The following USP37 variants were observed in gnomAD, a reference collection of about 807,000 sequenced individuals.
The protein encoded by USP37 is ubiquitin specific peptidase 37.
Under a neutral mutation model 124.0 loss-of-function variants are expected in USP37, and 27 were observed. The observed-to-expected ratio is 0.22, with a 90% CI of 0.16 to 0.30. USP37 has a LOEUF of 0.30. Among genes scored for constraint, USP37 ranks in the 10% least tolerant of loss-of-function variants. The pLI, the probability that USP37 is intolerant of heterozygous loss-of-function variation, is 1.00. For synonymous variants in USP37, 365 were observed against 388.0 expected (o/e 0.94, Z 0.70); for missense variants, 889 against 1,140.4 (o/e 0.78, Z 3.17).
In USP37 at chr2:218,560,842, G is replaced by C. The variant is rs940942747; in HGVS notation, c.-47C>G. 3 of 152,126 alleles carry C rather than the reference G, an allele frequency of 2.0e-5. No homozygotes were observed. The allele number at this position is 152,126 out of a possible 1,614,324, so 9.4% of individuals were successfully genotyped here. On this transcript the variant is annotated 5_prime_UTR_variant, in exon 3 of 26. Coordinates refer to ENST00000258399, the MANE Select transcript of USP37 (RefSeq NM_020935.3). ...CACCTACAGGCAGGATACAGTTTGG[G>C]GGCCCCTAGTTGGAGGTCTCTGGTT...
intron 10 of USP37, among the ~76,000 whole-genome samples, chr2:218,513,756 G>A (rs1037652860): frequency 1.3e-5 from 2 of 152,140 alleles, no homozygotes; most frequent in Non-Finnish European, 2.9e-5. Context: ...TTGCTAGACA[G>A]CATTCCATTG....
intron 11 of USP37, among the ~76,000 whole-genome samples, chr2:218,498,659 A>T (rs2105991273): frequency 6.6e-6 from 1 of 152,264 alleles, no homozygotes; most frequent in African/African-American, 2.4e-5. Context: ...CCCAGGAGGC[A>T]GAGGTTGCAG....
chr2:218,532,242 C>T (rs994297327), intron 9 of USP37, among the ~76,000 whole-genome samples: 6 of 151,946 alleles, frequency 3.9e-5, no homozygotes, highest in South Asian at 4.1e-4. Flanking sequence ...CTGAGGCAGG[C>T]GGATCATGAG....
intron 14 of USP37, among the ~76,000 whole-genome samples, chr2:218,490,776 G>A (rs893745245): frequency 2.0e-5 from 3 of 152,052 alleles, no homozygotes; most frequent in African/African-American, 7.2e-5. Context: ...ATTTTACCTG[G>A]CCCAAAGGAA....
At chr2:218,499,880 C>T (rs1212836239) in intron 11 of USP37, among the ~76,000 whole-genome samples, 7 of 152,044 alleles carry the variant, frequency 4.6e-5, no homozygotes. Flanking sequence ...CTCCCGGGCT[C>T]GAGCAATCCT....
At chr2:218,460,588 A>T (rs1209723719) in intron 22 of USP37, among the ~76,000 whole-genome samples, 2 of 152,198 alleles carry the variant, frequency 1.3e-5, no homozygotes, top group Non-Finnish European at 2.9e-5. Flanking sequence ...ATTAGCAAAC[A>T]TAAATTATCC....
rs1431910649 is a variant in USP37, at chr2:218,495,970, C to T, written c.1282-20G>A. The T allele has an allele frequency of 1.6e-5, 25 of 1,592,364 alleles. No homozygotes were observed. Among genetic ancestry groups the T allele is most frequent in the Non-Finnish European group, 2.0e-5 (23 of 1,171,576 alleles). ...AGCATCCTAATAAGACAACAATATC[C>T]TTAATCAGATAAAAACATTTCTTGT... On this transcript the variant is annotated intron_variant, in intron 13 of 25. Transcript: ENST00000258399.
intron 11 of USP37, among the ~76,000 whole-genome samples, chr2:218,499,689 T>C (rs1043552492): frequency 3.3e-5 from 5 of 151,832 alleles, no homozygotes; most frequent in South Asian, 2.1e-4. Flanking sequence ...TTCATGTATG[T>C]CTCTTTAGTT....
intron 21 of USP37, among the ~76,000 whole-genome samples, 164 bp from the exon 22 acceptor site, chr2:218,463,530 C>CTTTT (rs778154896): frequency 4.3e-4 from 43 of 99,082 alleles, no homozygotes; most frequent in African/African-American, 1.0e-3. Context: ...AAGTTCTTTA[C>CTTTT]TTTTTTTTTT....
chr2:218,462,576 C>A (rs555327909), intron 22 of USP37, among the ~76,000 whole-genome samples: 6 of 152,174 alleles, frequency 3.9e-5, no homozygotes, highest in African/African-American at 1.4e-4. Flanking sequence ...CACTGACTGC[C>A]CCAGAATAAG....
chr2:218,535,020 A>G (rs1325224749), intron 8 of USP37, among the ~76,000 whole-genome samples: 1 of 152,172 alleles, frequency 6.6e-6, no homozygotes, highest in Non-Finnish European at 1.5e-5. Flanking sequence ...TCTTGGCCAA[A>G]AGCAAGACCA....
At chr2:218,498,766 G>A (rs1056489653) in intron 11 of USP37, among the ~76,000 whole-genome samples, 7 of 151,944 alleles carry the variant, frequency 4.6e-5, no homozygotes, top group Non-Finnish European at 1.5e-5. Context: ...AACTTAGTTT[G>A]ATCTAATGGA....
At chr2:218,526,913 C>T (rs1221777113) in intron 10 of USP37, among the ~76,000 whole-genome samples, 5 of 151,358 alleles carry the variant, frequency 3.3e-5, no homozygotes, top group Middle Eastern at 3.4e-3. Flanking sequence ...CTCAGCCTCC[C>T]GAGTAGCTGG....
chr2:218,471,218 C>A (rs780288993), intron 20 of USP37, among the ~76,000 whole-genome samples: 4 of 151,858 alleles, frequency 2.6e-5, no homozygotes, highest in Non-Finnish European at 5.9e-5. Context: ...CAGGCTACTG[C>A]GACAGAAGAA....
intron 1 of USP37, among the ~76,000 whole-genome samples, chr2:218,567,546 T>TA (rs910435629): frequency 6.9e-4 from 105 of 152,276 alleles, no homozygotes; most frequent in African/African-American, 2.0e-3. Flanking sequence ...CTCTTCCAGT[T>TA]AGACACTTGT....
At position 218,529,037 on chromosome 2, in the gene USP37, C is replaced by T. The variant is rs937979465; in HGVS notation, c.863+919G>A. 2.0e-5 allele frequency among the ~76,000 whole-genome samples: 3 copies of T among 152,084 alleles called. No individual in the cohort carries two copies. The South Asian group carries it at 6.2e-4, about 32-fold the overall frequency. Reference sequence around the variant, plus strand: ...GAGGAGAGATCTTAGTATGTTCATCCACATGGGATGGTAGAATATATATTG... The same window carrying T: ...GAGGAGAGATCTTAGTATGTTCATCTACATGGGATGGTAGAATATATATTG... On this transcript the variant is annotated intron_variant, in intron 10 of 25. Coordinates refer to ENST00000258399, the MANE Select transcript of USP37 (RefSeq NM_020935.3).
At chr2:218,522,808 A>G (rs1690731767) in intron 10 of USP37, among the ~76,000 whole-genome samples, 1 of 152,070 alleles carries the variant, frequency 6.6e-6, no homozygotes, top group Non-Finnish European at 1.5e-5. Flanking sequence ...GTTCTTATAA[A>G]TAGTACAGGT....
chr2:218,547,897 G>C (rs1325791331), intron 6 of USP37, among the ~76,000 whole-genome samples: 2 of 152,206 alleles, frequency 1.3e-5, no homozygotes, highest in African/African-American at 4.8e-5. Flanking sequence ...AGCATTAGCT[G>C]AGAAATACAG....
At chr2:218,558,841 T>G in intron 3 of USP37, 164 bp from the exon 4 acceptor site, 1 of 461,646 alleles carries the variant, frequency 2.2e-6, no homozygotes, top group Non-Finnish European at 3.8e-6. Flanking sequence ...TATTAGTGCC[T>G]AAATTCTACA....
Sources: allele counts gnomAD v4.1 joint callset (sites outside exome capture counted in the v4.1 genomes callset), GRCh38; gene constraint gnomAD v4.1.1; transcripts MANE v1.5; gene names NCBI Gene and HGNC (gene_info 2026-07-23, HGNC 2026-07-21).